The following CDH12 variants were observed in gnomAD, a reference collection of about 807,000 sequenced individuals.
CDH12 encodes the protein cadherin 12, also known as cadherin-12.
Under a neutral mutation model 74.1 loss-of-function variants are expected in CDH12, and 41 were observed. The ratio of observed to expected loss-of-function variants is 0.55; its 90% CI spans 0.43 to 0.72. The LOEUF (loss-of-function observed/expected upper bound fraction) is 0.72, where lower values mean the gene tolerates loss of function less well. Among genes scored for constraint, CDH12 ranks in the 30% least tolerant of loss-of-function variants. The pLI is 0.00. For missense variants in CDH12, 945 were observed against 977.2 expected (o/e 0.97, Z 0.44); for synonymous variants, 399 against 355.0 (o/e 1.12, Z -1.39).
intron 3 of CDH12, among the ~76,000 whole-genome samples, chr5:22,242,361 GT>G (rs1399459456): frequency 2.0e-5 from 3 of 151,926 alleles, no homozygotes; most frequent in Non-Finnish European, 4.4e-5. Context: ...TATATTTTTC[GT>G]TTTTTTCATT....
intron 10 of CDH12, among the ~76,000 whole-genome samples, chr5:21,793,988 ATTAAT>A (rs913571403): frequency 5.3e-5 from 8 of 151,026 alleles, no homozygotes; most frequent in African/African-American, 1.9e-4. Flanking sequence ...TTTGTGCAAA[ATTAAT>A]TTAAAAATTT....
At chr5:22,368,979 A>C (rs994924101) in intron 3 of CDH12, among the ~76,000 whole-genome samples, 1 of 151,978 alleles carries the variant, frequency 6.6e-6, no homozygotes, top group African/African-American at 2.4e-5. Context: ...AAATACAAAA[A>C]TTAGCTAGGT....
At chr5:22,311,447 G>C (rs530410231) in intron 3 of CDH12, among the ~76,000 whole-genome samples, 1 of 152,104 alleles carries the variant, frequency 6.6e-6, no homozygotes, top group Non-Finnish European at 1.5e-5. Context: ...GCTCACACCT[G>C]TAATCCCACC....
At position 21,854,794 on chromosome 5, in the gene CDH12, G is replaced by A; in HGVS notation, c.527-4C>T. ...TTGACCTGGAGTACATATGCACCTG[G>A]AAAATAAGACAATATCACTCTAGCA... On this transcript the variant is annotated splice_polypyrimidine_tract_variant and splice_region_variant and intron_variant, in intron 6 of 14. Transcript: ENST00000382254. 8.1e-6 allele frequency: 13 copies of A among 1,605,442 alleles called. No homozygotes were observed. The highest frequency in any genetic ancestry group is 1.1e-5 in the Non-Finnish European group (13 of 1,175,990).
chr5:22,306,138 C>T (rs1053634462), intron 3 of CDH12, among the ~76,000 whole-genome samples: 12 of 151,986 alleles, frequency 7.9e-5, no homozygotes, highest in African/African-American at 2.9e-4. Context: ...TCTTTTGCCC[C>T]CCTCTACTAC....
At chr5:21,871,836 A>G (rs1381095103) in intron 6 of CDH12, among the ~76,000 whole-genome samples, 1 of 152,118 alleles carries the variant, frequency 6.6e-6, no homozygotes, top group African/African-American at 2.4e-5. Flanking sequence ...CAAGACTCCT[A>G]TCCTCAACTC....
intron 4 of CDH12, among the ~76,000 whole-genome samples, chr5:22,124,254 G>T (rs1745705854): frequency 6.6e-6 from 1 of 152,108 alleles, no homozygotes; most frequent in Non-Finnish European, 1.5e-5. Flanking sequence ...CTCTCGGGTA[G>T]CTGGGATCAC....
At chr5:22,591,733 A>G (rs1561513801) in intron 1 of CDH12, among the ~76,000 whole-genome samples, 1 of 152,158 alleles carries the variant, frequency 6.6e-6, no homozygotes, top group African/African-American at 2.4e-5. Flanking sequence ...TGAGTTTTCC[A>G]TAACACATAT....
At chr5:22,562,464 C>G (rs969656971) in intron 1 of CDH12, among the ~76,000 whole-genome samples, 3 of 152,116 alleles carry the variant, frequency 2.0e-5, no homozygotes, top group Non-Finnish European at 4.4e-5. Flanking sequence ...TTGCCTTTGT[C>G]TCTCCTTTGT....
chr5:22,712,845 C>A (rs181960277), intron 1 of CDH12, among the ~76,000 whole-genome samples: 2 of 152,238 alleles, frequency 1.3e-5, no homozygotes, highest in African/African-American at 4.8e-5. Context: ...AAAAAATATA[C>A]TGCCTCTCCA....
intron 1 of CDH12, among the ~76,000 whole-genome samples, chr5:22,757,940 G>T (rs1304243336): frequency 6.6e-6 from 1 of 152,334 alleles, no homozygotes; most frequent in East Asian, 1.9e-4. Flanking sequence ...ATGAAGTGGG[G>T]AGGGGTATAG....
chr5:22,724,273 A>C (rs1744050950), intron 1 of CDH12, among the ~76,000 whole-genome samples: 1 of 151,242 alleles, frequency 6.6e-6, no homozygotes, highest in African/African-American at 2.4e-5. Context: ...GGTACAGGTG[A>C]GTTTGTGTTA....
intron 1 of CDH12, among the ~76,000 whole-genome samples, chr5:22,726,507 A>G (rs932535913): frequency 6.6e-6 from 1 of 151,774 alleles, no homozygotes; most frequent in African/African-American, 2.4e-5. Flanking sequence ...TATAGTAAAC[A>G]TATGTTTCAT....
At position 22,817,315 on chromosome 5, in the gene CDH12, A is replaced by C. The variant is rs574278127; in HGVS notation, c.-523+35743T>G. 1.4e-3 allele frequency among the ~76,000 whole-genome samples: 210 copies of C among 152,204 alleles called. 1 individual carries two copies. The highest frequency in any genetic ancestry group is 2.3e-3 in the Non-Finnish European group (158 of 67,970). ...GTTTCTCACATTATTTACTACTTAAAATTGTTTAAAAATGATATTATTTGA... is the reference window on the plus strand; with the variant it reads ...GTTTCTCACATTATTTACTACTTAACATTGTTTAAAAATGATATTATTTGA... On this transcript the variant is annotated intron_variant, in intron 1 of 14. Transcript: ENST00000382254.
intron 1 of CDH12, among the ~76,000 whole-genome samples, chr5:22,817,684 G>A (rs898289046): frequency 2.6e-5 from 4 of 152,020 alleles, no homozygotes; most frequent in African/African-American, 4.8e-5. Context: ...GAAAAACTAT[G>A]CATCATAATT....
chr5:21,935,148 T>C (rs1189226436), intron 6 of CDH12, among the ~76,000 whole-genome samples: 1 of 152,132 alleles, frequency 6.6e-6, no homozygotes, highest in Non-Finnish European at 1.5e-5. Flanking sequence ...TCTCCTCCTC[T>C]TCTACCTACT....
At position 22,709,160 on chromosome 5, in the gene CDH12, C is replaced by T. The variant is rs184114728; in HGVS notation, c.-523+143898G>A. On this transcript the variant is annotated intron_variant, in intron 1 of 14. Coordinates refer to ENST00000382254, the MANE Select transcript of CDH12 (RefSeq NM_004061.5). ...GTGACGGGAAGAGAGAGAGTGGCCA[C>T]AAATTCTGAGAACTGCTAAATGCAA... 2.0e-5 allele frequency among the ~76,000 whole-genome samples: 3 copies of T among 152,224 alleles called. No homozygotes were observed. In the East Asian group the frequency reaches 5.8e-4, roughly 29 times the overall value.
chr5:22,415,217 T>A (rs1743331472), intron 2 of CDH12, among the ~76,000 whole-genome samples: 2 of 143,932 alleles, frequency 1.4e-5, no homozygotes, highest in East Asian at 4.0e-4. Flanking sequence ...AAGGGGAAAA[T>A]TGACACAATG....
chr5:22,649,833 A>G (rs1354712290), intron 1 of CDH12, among the ~76,000 whole-genome samples: 2 of 152,002 alleles, frequency 1.3e-5, no homozygotes, highest in Non-Finnish European at 2.9e-5. Context: ...CCTCAATTCT[A>G]TACAAAAAAC....
Sources: allele counts gnomAD v4.1 joint callset (sites outside exome capture counted in the v4.1 genomes callset), GRCh38; gene constraint gnomAD v4.1.1; transcripts MANE v1.5; gene names NCBI Gene and HGNC (gene_info 2026-07-23, HGNC 2026-07-21).